The following AGL variants were observed in gnomAD, a reference collection of about 807,000 sequenced individuals.
AGL encodes amylo-alpha-1,6-glucosidase and 4-alpha-glucanotransferase, also known as glycogen debranching enzyme.
AGL carries 128 observed loss-of-function variants against 199.3 expected under a neutral mutation model. That is an observed-to-expected ratio of 0.64 (90% confidence interval 0.56 to 0.74). The LOEUF is 0.74. AGL is among the 30% of genes least tolerant of loss of function. AGL has a pLI of 0.00. For synonymous variants in AGL, 584 were observed against 594.7 expected (o/e 0.98, Z 0.26); for missense variants, 1,809 against 1,820.8 (o/e 0.99, Z 0.12).
intron 5 of AGL, among the ~76,000 whole-genome samples, chr1:99,867,698 G>T (rs1650640374): frequency 6.6e-6 from 1 of 152,016 alleles, no homozygotes; most frequent in African/African-American, 2.4e-5. Context: ...TGGAATTACA[G>T]GTATGAGCCA....
intron 2 of AGL, among the ~76,000 whole-genome samples, chr1:99,851,690 G>C (rs539696204): frequency 2.2e-4 from 33 of 152,224 alleles, no homozygotes; most frequent in African/African-American, 7.2e-4. Flanking sequence ...ATATATAGTT[G>C]ATCTGTATTT....
chr1:99,878,557 A>G (rs935025004), intron 12 of AGL, among the ~76,000 whole-genome samples: 7 of 152,046 alleles, frequency 4.6e-5, no homozygotes, highest in African/African-American at 1.4e-4. Flanking sequence ...AATCTTTGTA[A>G]TTAAACTCAT....
At chr1:99,850,846 T>C (rs1648890865) in intron 1 of AGL, 129 bp from the exon 2 acceptor site, 2 of 625,380 alleles carry the variant, frequency 3.2e-6, no homozygotes, top group South Asian at 1.9e-5. Flanking sequence ...TTAATAGTTA[T>C]AAGATTCATT....
chr1:99,881,293 T>A lies in AGL; in HGVS notation c.2003T>A (p.Ile668Asn), dbSNP rs556411090. Residue 668 changes from isoleucine (I) to asparagine (N), a missense_variant and splice_region_variant, in exon 16 of 34, where the codon ATT (isoleucine) becomes AAT (asparagine). By Grantham distance (149) the Ile-to-Asn change is moderately radical. Transcript: ENST00000361915. ...ATGCTAAATTTTACCTTTGTCCAGA[T>A]TTCAGTGGTTTCTGAAGAACGGTTT... Reference protein sequence around the residue: ...RGYDELVPHQISVVSEERFYT... With the variant: ...RGYDELVPHQNSVVSEERFYT... 3 of 1,613,974 alleles carry A rather than the reference T, an allele frequency of 1.9e-6. No individual in the cohort carries two copies. Among genetic ancestry groups the A allele is most frequent in the Non-Finnish European group, 1.7e-6 (2 of 1,179,990 alleles).
intron 7 of AGL, among the ~76,000 whole-genome samples, chr1:99,872,979 A>G (rs1224448711): frequency 6.6e-6 from 1 of 152,102 alleles, no homozygotes; most frequent in Non-Finnish European, 1.5e-5. Context: ...ATTATTACAC[A>G]GGCCTCAAAT....
intron 24 of AGL, among the ~76,000 whole-genome samples, chr1:99,894,325 T>G (rs933990795): frequency 2.6e-5 from 4 of 152,216 alleles, no homozygotes; most frequent in African/African-American, 9.7e-5. Context: ...GCTAGAGATT[T>G]TATAGTTTTG....
intron 21 of AGL, among the ~76,000 whole-genome samples, chr1:99,890,308 AT>A (rs1358968888): frequency 1.3e-5 from 2 of 152,156 alleles, no homozygotes; most frequent in Non-Finnish European, 2.9e-5. Context: ...TGAGACCAAC[AT>A]TTACCGAGCA....
chr1:99,861,476 G>A (rs754089335), intron 2 of AGL, 27 bp from the exon 3 acceptor site: 1 of 1,613,528 alleles, frequency 6.2e-7, no homozygotes, highest in Non-Finnish European at 8.5e-7. Flanking sequence ...CCTACGATGA[G>A]TTTATTAACA....
intron 10 of AGL, among the ~76,000 whole-genome samples, chr1:99,875,861 A>G (rs1018924480): frequency 2.0e-5 from 3 of 152,100 alleles, no homozygotes; most frequent in African/African-American, 7.2e-5. Flanking sequence ...AGTAACATCA[A>G]TGCCTCAATT....
intron 25 of AGL, among the ~76,000 whole-genome samples, chr1:99,898,496 C>T (rs1483586576): frequency 6.6e-6 from 1 of 152,136 alleles, no homozygotes; most frequent in Non-Finnish European, 1.5e-5. Flanking sequence ...AGGTGATTCC[C>T]AGAGAATAAT....
At chr1:99,897,590 TACCA>T (rs1457583580) in intron 25 of AGL, among the ~76,000 whole-genome samples, 1 of 152,236 alleles carries the variant, frequency 6.6e-6, no homozygotes, top group Non-Finnish European at 1.5e-5. Flanking sequence ...CTTTTTGTAT[TACCA>T]TTATGGAGCT....
At chr1:99,902,852 CAATTGTTCACT>C in intron 27 of AGL, 58 bp downstream of exon 27, 1 of 1,260,470 alleles carries the variant, frequency 7.9e-7, no homozygotes. Flanking sequence ...TTAAACCTTG[CAATTGTTCACT>C]TAGTAAATAT....
chr1:99,861,353 A>G (rs1650016206), intron 2 of AGL, 150 bp from the exon 3 acceptor site: 5 of 1,517,370 alleles, frequency 3.3e-6, no homozygotes, highest in Admixed American at 2.2e-5. Context: ...TTGGAATACA[A>G]AGTAGTGCCA....
intron 30 of AGL, among the ~76,000 whole-genome samples, 175 bp from the exon 31 acceptor site, chr1:99,915,214 A>G (rs1297426676): frequency 6.6e-6 from 1 of 152,230 alleles, no homozygotes; most frequent in Non-Finnish European, 1.5e-5. Flanking sequence ...ACGGCCAAAA[A>G]CAGTCCTTCT....
upstream of AGL, among the ~76,000 whole-genome samples, chr1:99,849,628 C>G (rs1473154634): frequency 6.6e-6 from 1 of 152,194 alleles, no homozygotes; most frequent in Non-Finnish European, 1.5e-5. Context: ...AACATGTGTC[C>G]TGTCTGTTAG....
In AGL at chr1:99,888,111, A is replaced by G; in HGVS notation, c.2812+3A>G. The G allele has an allele frequency of 6.2e-7, 1 of 1,612,846 alleles. No individual in the cohort carries two copies. Among genetic ancestry groups the G allele is most frequent in the Non-Finnish European group, 8.5e-7 (1 of 1,179,404 alleles). On this transcript the variant is annotated splice_donor_region_variant and intron_variant, in intron 21 of 33. Transcript: ENST00000361915. ...CCTTAAATATGCAGGTCTTCAAGGT[A>G]AGCAAATGGAAGGATAGCTGAGCTT...
rs1570442514 is a variant in AGL at position 99,880,169 on chromosome 1, A to G, written c.1735+123A>G. On this transcript the variant is annotated intron_variant, in intron 13 of 33. Transcript: ENST00000361915. Reference sequence around the variant, plus strand: ...TAACACAGTTAATGTTCTTCTAAATACTTTGTATGACATATTCTAATATAA... The same window carrying G: ...TAACACAGTTAATGTTCTTCTAAATGCTTTGTATGACATATTCTAATATAA... 5.0e-6 allele frequency: 7 copies of G among 1,390,996 alleles called. No homozygotes were observed. In the East Asian group the frequency reaches 1.6e-4, roughly 33 times the overall value. 86.2% of individuals were successfully genotyped at this position (1,390,996 alleles called of 1,614,324 possible). A position where few individuals can be genotyped will look rare whatever the true frequency, so the allele number is the denominator to read the frequency against.
At chr1:99,867,395 A>T (rs1650608767) in intron 5 of AGL, among the ~76,000 whole-genome samples, 1 of 152,130 alleles carries the variant, frequency 6.6e-6, no homozygotes, top group South Asian at 2.1e-4. Flanking sequence ...AAGCTGTATC[A>T]CAGGTGCTCC....
In AGL at chr1:99,912,233, C is replaced by T. The variant is rs3818568; in HGVS notation, c.3837-172C>T. Among the ~76,000 whole-genome samples the T allele has an allele frequency of 0.14, 20,670 of 151,902 alleles. 1,506 individuals are homozygous for T. Among genetic ancestry groups the T allele is most frequent in the Middle Eastern group, 0.17 (49 of 294 alleles). ...TGAGGATGATAGACAATGGCAAAACCGTGAGAGGAAAAAATCTTTACATGA... is the reference window on the plus strand; with the variant it reads ...TGAGGATGATAGACAATGGCAAAACTGTGAGAGGAAAAAATCTTTACATGA... On this transcript the variant is annotated intron_variant, in intron 28 of 33. Coordinates refer to ENST00000361915, the MANE Select transcript of AGL (RefSeq NM_000642.3).
Sources: allele counts gnomAD v4.1 joint callset (sites outside exome capture counted in the v4.1 genomes callset), GRCh38; gene constraint gnomAD v4.1.1; transcripts MANE v1.5; gene names NCBI Gene and HGNC (gene_info 2026-07-23, HGNC 2026-07-21).